Variants in TENM2 observed in about 807,000 individuals in gnomAD.
The protein encoded by TENM2 is teneurin transmembrane protein 2.
A neutral mutation model predicts 245.2 loss-of-function variants in TENM2; 52 were observed. That is an observed-to-expected ratio of 0.21 (90% CI 0.17 to 0.27). The LOEUF (loss-of-function observed/expected upper bound fraction) is 0.27. TENM2 is among the 10% of genes least tolerant of loss of function. The pLI, the probability that TENM2 is intolerant of heterozygous loss-of-function variation, is 1.00. For synonymous variants in TENM2, 1,363 were observed against 1,438.9 expected, an observed-to-expected ratio of 0.95 and a Z score of 1.19; for missense variants, 3,046 against 3,666.8, an observed-to-expected ratio of 0.83 and a Z score of 4.37.
At chr5:168,169,820 A>G (rs1758638713) in intron 13 of TENM2, among the ~76,000 whole-genome samples, 1 of 152,218 alleles carries the variant, frequency 6.6e-6, no homozygotes, top group Non-Finnish European at 1.5e-5. Flanking sequence ...GGACAGCTTA[A>G]AAATACAATA....
intron 2 of TENM2, among the ~76,000 whole-genome samples, chr5:167,620,850 T>C (rs1778119949): frequency 6.6e-6 from 1 of 152,110 alleles, no homozygotes; most frequent in Non-Finnish European, 1.5e-5. Context: ...AACCCCTAAA[T>C]AACAAACCCA....
intron 2 of TENM2, among the ~76,000 whole-genome samples, chr5:167,417,357 T>C (rs1763223551): frequency 6.6e-6 from 1 of 152,182 alleles, no homozygotes; most frequent in Non-Finnish European, 1.5e-5. Flanking sequence ...CCCCTCTTAG[T>C]CCATCTCTCT....
chr5:167,648,825 G>T (rs1381395139), intron 2 of TENM2, among the ~76,000 whole-genome samples: 2 of 152,132 alleles, frequency 1.3e-5, no homozygotes, highest in East Asian at 1.9e-4. Context: ...CAGTTTGAAG[G>T]CTCTGTTCTC....
At chr5:167,404,103 T>G (rs1358245471) in intron 2 of TENM2, among the ~76,000 whole-genome samples, 4 of 152,066 alleles carry the variant, frequency 2.6e-5, no homozygotes, top group Non-Finnish European at 5.9e-5. Context: ...AAAATGACAC[T>G]TATATTTTAA....
chr5:168,190,376 A>C, exon 14 of TENM2: 1 of 1,613,918 alleles, frequency 6.2e-7, no homozygotes, highest in Non-Finnish European at 8.5e-7. Flanking sequence ...TGCTGCCTGC[A>C]GTCAGCCTGT....
chr5:167,776,585 C>A (rs1214376302), intron 2 of TENM2, among the ~76,000 whole-genome samples: 3 of 79,966 alleles, frequency 3.8e-5, no homozygotes, highest in Middle Eastern at 0.015. Context: ...GCAGATGAGA[C>A]CCTGTCTGAA....
At chr5:168,020,421 G>T (rs1436222857) in intron 5 of TENM2, among the ~76,000 whole-genome samples, 1 of 152,106 alleles carries the variant, frequency 6.6e-6, no homozygotes, top group African/African-American at 2.4e-5. Context: ...ATTTTTAATT[G>T]GCCCAACATG....
In TENM2 at chr5:168,216,444, A is replaced by T. The variant is rs187768681; in HGVS notation, c.4079-324A>T. On this transcript the variant is annotated intron_variant, in intron 21 of 28. Transcript: ENST00000518659. ...AACTTAGGAAATAACTTCTTTTCTA[A>T]GGAGAGCAGATGCAAAGTTATTTCC... Among the ~76,000 whole-genome samples the T allele has an allele frequency of 4.2e-3, 634 of 152,352 alleles. 2 individuals are homozygous for T. The highest frequency in any genetic ancestry group is 0.015 in the African/African-American group (607 of 41,576).
intron 2 of TENM2, among the ~76,000 whole-genome samples, chr5:167,820,432 G>A (rs1178394801): frequency 3.3e-5 from 5 of 152,076 alleles, no homozygotes; most frequent in Non-Finnish European, 7.4e-5. Context: ...CCCGGCTCCC[G>A]GCACAGCCTT....
In TENM2 at chr5:167,410,313, C is replaced by T. The variant is rs868160005; in HGVS notation, c.502+34840C>T. Among the ~76,000 whole-genome samples the T allele has an allele frequency of 3.3e-5, 5 of 151,968 alleles. 1 individual carries two copies. Among genetic ancestry groups the T allele is most frequent in the Non-Finnish European group, 7.4e-5 (5 of 67,938 alleles). On this transcript the variant is annotated intron_variant, in intron 2 of 28. Coordinates refer to ENST00000518659, the Ensembl canonical transcript of TENM2. ...AAGGCAAATATCCAAAAACAACAAC[C>T]CACTACCTTATCTTTCAAAATATGG... is the stretch of plus-strand genomic sequence containing the variant.
chr5:167,078,630 CT>C, the TENM2 span, among the ~76,000 whole-genome samples: 6 of 152,270 alleles, frequency 3.9e-5, no homozygotes, highest in Non-Finnish European at 8.8e-5. Flanking sequence ...CTTAAAGTCT[CT>C]GTGAACACAA....
chr5:167,321,548 C>T (rs1435787595), intron 1 of TENM2, among the ~76,000 whole-genome samples: 1 of 152,096 alleles, frequency 6.6e-6, no homozygotes, highest in Non-Finnish European at 1.5e-5. Context: ...TAACTTTGGT[C>T]TCTCAGCCAA....
chr5:166,999,977 A>G, the TENM2 span, among the ~76,000 whole-genome samples: 1 of 152,146 alleles, frequency 6.6e-6, no homozygotes, highest in Non-Finnish European at 1.5e-5. Context: ...AAAAGTGCCA[A>G]CAGAGGAGAC....
At chr5:167,713,740 C>A (rs530347127) in intron 2 of TENM2, among the ~76,000 whole-genome samples, 69 of 152,328 alleles carry the variant, frequency 4.5e-4, no homozygotes, top group African/African-American at 1.6e-3. Context: ...TCATGTACAA[C>A]ACACACTTAT....
exon 12 of TENM2, chr5:168,126,780 C>T: frequency 1.2e-6 from 2 of 1,612,802 alleles, no homozygotes; most frequent in Non-Finnish European, 1.7e-6. Flanking sequence ...CTGTGGCACT[C>T]ACGGCGTCTG....
At chr5:167,752,948 C>G (rs1029455061) in intron 2 of TENM2, among the ~76,000 whole-genome samples, 5 of 152,146 alleles carry the variant, frequency 3.3e-5, no homozygotes, top group African/African-American at 9.7e-5. Context: ...AGAGAGAACT[C>G]CTTAATTCCT....
chr5:167,842,617 T>G (rs1769649707), intron 2 of TENM2, among the ~76,000 whole-genome samples: 1 of 149,292 alleles, frequency 6.7e-6, no homozygotes, highest in East Asian at 1.9e-4. Context: ...AAAGAACCCT[T>G]TTATCCCCCA....
intron 2 of TENM2, among the ~76,000 whole-genome samples, chr5:167,451,170 A>C (rs1765559241): frequency 6.6e-6 from 1 of 152,124 alleles, no homozygotes; most frequent in African/African-American, 2.4e-5. Flanking sequence ...GTTTTCCCTG[A>C]GGAGGCAAGT....
In TENM2 at chr5:167,352,619, A is replaced by G. The variant is rs563380730; in HGVS notation, c.227-22579A>G. On this transcript the variant is annotated intron_variant, in intron 1 of 28. Transcript: ENST00000518659. Reference sequence around the variant, plus strand: ...TTAGGCTTCTGCTCCGAATTAATTTACGTAGTGATTTTCTGTTATCAGACA... The same window carrying G: ...TTAGGCTTCTGCTCCGAATTAATTTGCGTAGTGATTTTCTGTTATCAGACA... 7.9e-5 allele frequency among the ~76,000 whole-genome samples: 12 copies of G among 152,320 alleles called. No homozygotes were observed. In the South Asian group the frequency reaches 2.5e-3, roughly 32 times the overall value.
Sources: gnomAD v4.1 joint callset for allele counts (sites outside exome capture counted in the v4.1 genomes callset) on GRCh38, gnomAD v4.1.1 for gene constraint, MANE v1.5 for transcripts, NCBI Gene and HGNC (gene_info 2026-07-23, HGNC 2026-07-21) for gene names.